The following HIBADH variants were observed in gnomAD, a reference collection of about 807,000 sequenced individuals.
The protein encoded by HIBADH is 3-hydroxyisobutyrate dehydrogenase, also known as 3-hydroxyisobutyrate dehydrogenase, mitochondrial.
In HIBADH, 25 loss-of-function variants were observed where a neutral mutation model predicts 36.1. The ratio of observed to expected loss-of-function variants is 0.69; its 90% CI spans 0.50 to 0.97. The LOEUF (loss-of-function observed/expected upper bound fraction) is 0.97, where lower values mean the gene tolerates loss of function less well. HIBADH is among the 50% of genes least tolerant of loss of function. The pLI, the probability that HIBADH is intolerant of heterozygous loss-of-function variation, is 0.00. For missense variants in HIBADH, 421 were observed against 418.0 expected (o/e 1.01, Z -0.06); for synonymous variants, 160 against 149.5 (o/e 1.07, Z -0.51).
intron 4 of HIBADH, among the ~76,000 whole-genome samples, chr7:27,574,739 A>G (rs1015537592): frequency 2.6e-5 from 4 of 152,224 alleles, no homozygotes; most frequent in Admixed American, 2.0e-4. Flanking sequence ...AAATCCATGT[A>G]TCTTCCACAT....
chr7:27,581,138 G>C (rs1435518892), intron 4 of HIBADH, among the ~76,000 whole-genome samples: 1 of 152,178 alleles, frequency 6.6e-6, no homozygotes, highest in African/African-American at 2.4e-5. Flanking sequence ...AAGGGGAACT[G>C]TCAAGCAGCC....
intron 2 of HIBADH, among the ~76,000 whole-genome samples, chr7:27,636,463 G>A (rs914791775): frequency 1.3e-5 from 2 of 152,198 alleles, no homozygotes; most frequent in African/African-American, 4.8e-5. Context: ...TGAAACATTT[G>A]GTCAACAATG....
chr7:27,581,212 C>A (rs1420966577), intron 4 of HIBADH, among the ~76,000 whole-genome samples: 1 of 152,104 alleles, frequency 6.6e-6, no homozygotes, highest in Non-Finnish European at 1.5e-5. Context: ...ACATGGTCAT[C>A]CATTTACTCC....
rs181462801 is a variant in HIBADH at position 27,643,193 on chromosome 7, G to T, written c.252+6280C>A. On this transcript the variant is annotated intron_variant, in intron 2 of 7. Transcript: ENST00000265395. Reference sequence around the variant, plus strand: ...CATAGAAAGTTCTCGAGAAACATCTGTTACATTAGTGACTTAATGAAGGTC... The same window carrying T: ...CATAGAAAGTTCTCGAGAAACATCTTTTACATTAGTGACTTAATGAAGGTC... Among the ~76,000 whole-genome samples, 54 of 152,288 alleles carry T rather than the reference G, an allele frequency of 3.5e-4. No individual in the cohort carries two copies. In the East Asian group the frequency reaches 9.4e-3, roughly 27 times the overall value.
At chr7:27,619,553 A>G (rs1785501153) in intron 4 of HIBADH, among the ~76,000 whole-genome samples, 1 of 152,200 alleles carries the variant, frequency 6.6e-6, no homozygotes, top group African/African-American at 2.4e-5. Context: ...CCAAAACACA[A>G]TGCAAACAAA....
chr7:27,545,886 C>T (rs1342060465), intron 4 of HIBADH, among the ~76,000 whole-genome samples: 2 of 152,062 alleles, frequency 1.3e-5, no homozygotes, highest in Non-Finnish European at 2.9e-5. Flanking sequence ...TATTATAGTG[C>T]ATGATATACT....
At chr7:27,637,756 C>A (rs1785866295) in intron 2 of HIBADH, among the ~76,000 whole-genome samples, 1 of 152,150 alleles carries the variant, frequency 6.6e-6, no homozygotes, top group African/African-American at 2.4e-5. Context: ...GACACAAAAT[C>A]AATGCGCAAA....
intron 4 of HIBADH, among the ~76,000 whole-genome samples, chr7:27,567,443 GC>G (rs1345176745): frequency 1.3e-5 from 2 of 152,018 alleles, no homozygotes; most frequent in Non-Finnish European, 2.9e-5. Context: ...ATAATATCGT[GC>G]CTTTTAGTTG....
intron 4 of HIBADH, among the ~76,000 whole-genome samples, chr7:27,622,736 A>G (rs2128293434): frequency 6.6e-6 from 1 of 152,320 alleles, no homozygotes; most frequent in East Asian, 1.9e-4. Context: ...AGAAAGAAAT[A>G]GAAAACCTGA....
intron 2 of HIBADH, among the ~76,000 whole-genome samples, chr7:27,636,568 A>G (rs1476904291): frequency 6.6e-6 from 1 of 152,244 alleles, no homozygotes; most frequent in Non-Finnish European, 1.5e-5. Flanking sequence ...TTAAGCAAAC[A>G]TGTTCAGCCT....
intron 4 of HIBADH, among the ~76,000 whole-genome samples, chr7:27,607,004 G>A (rs1785239484): frequency 6.6e-6 from 1 of 152,034 alleles, no homozygotes; most frequent in Admixed American, 6.6e-5. Context: ...TATTGCGTAA[G>A]GTAACTTTTC....
At position 27,632,254 on chromosome 7, in the gene HIBADH, A is replaced by G. The variant is rs1039118350; in HGVS notation, c.362+82T>C. 3.2e-6 allele frequency: 3 copies of G among 934,040 alleles called. No homozygotes were observed. The African/African-American group carries it at 4.9e-5, about 15-fold the overall frequency. The allele number at this position is 934,040 out of a possible 1,614,324, so 57.9% of individuals were successfully genotyped here. ...AGTATAGAAAGGTTTAACAAACACA[A>G]TTGTAATTTCCTAATAGTTCTAACA... On this transcript the variant is annotated intron_variant, in intron 3 of 7. Transcript: ENST00000265395.
chr7:27,577,166 C>T (rs5009225), intron 4 of HIBADH, among the ~76,000 whole-genome samples: 111,515 of 146,234 alleles, frequency 0.76, 42,953 homozygotes, highest in East Asian at 0.94. Context: ...TCATTTCTCT[C>T]TTTTTTTTTT....
chr7:27,549,458 C>A (rs938153643), intron 4 of HIBADH, among the ~76,000 whole-genome samples: 5 of 152,010 alleles, frequency 3.3e-5, no homozygotes, highest in Admixed American at 2.0e-4. Flanking sequence ...AAAAAAGAAA[C>A]CATAGTATCT....
intron 4 of HIBADH, among the ~76,000 whole-genome samples, chr7:27,569,491 A>G (rs999562677): frequency 1.3e-5 from 2 of 152,172 alleles, no homozygotes; most frequent in East Asian, 3.8e-4. Context: ...GCCAGGAGCC[A>G]GCCTGATATC....
chr7:27,629,408 T>C lies in HIBADH; in HGVS notation c.447A>G (p.Lys149=). ...VSKELAKEVE[K]MGAVFMDAPV... is the part of the protein sequence containing the mutation. ...GGGCATCCATGAAAACTGCTCCCAT[T>C]TTCTCAACTTCTTTGGCCAATTCTT... Residue 149 remains lysine, a synonymous_variant, in exon 4 of 8, where the codon AAA becomes AAG. Coordinates refer to ENST00000265395, the MANE Select transcript of HIBADH (RefSeq NM_152740.4). 1 of 1,612,230 alleles carries C rather than the reference T, an allele frequency of 6.2e-7. No individual in the cohort carries two copies. The highest frequency in any genetic ancestry group is 8.5e-7 in the Non-Finnish European group (1 of 1,178,994).
chr7:27,550,703 A>C (rs17155465), intron 4 of HIBADH, among the ~76,000 whole-genome samples: 13,355 of 152,160 alleles, frequency 0.088, 1,067 homozygotes, highest in East Asian at 0.38. Context: ...TAAAGCACTT[A>C]CACTACTCTA....
intron 6 of HIBADH, among the ~76,000 whole-genome samples, chr7:27,532,618 T>G (rs899900186): frequency 6.6e-6 from 1 of 152,234 alleles, no homozygotes; most frequent in Admixed American, 6.5e-5. Flanking sequence ...CAGACTGCTA[T>G]GTGGCATATC....
chr7:27,590,897 T>C (rs192963699), intron 4 of HIBADH, among the ~76,000 whole-genome samples: 56 of 152,348 alleles, frequency 3.7e-4, no homozygotes, highest in Admixed American at 2.5e-3. Context: ...TGAGGGACTC[T>C]GTTCGCTTCA....
Sources: allele counts gnomAD v4.1 joint callset (sites outside exome capture counted in the v4.1 genomes callset), GRCh38; gene constraint gnomAD v4.1.1; transcripts MANE v1.5; gene names NCBI Gene and HGNC (gene_info 2026-07-23, HGNC 2026-07-21).